The following ZNF860 variants were observed in gnomAD, a reference collection of about 807,000 sequenced individuals.
The protein encoded by ZNF860 is zinc finger protein 860.
For missense variants in ZNF860, 641 were observed against 759.2 expected (o/e 0.84, Z 1.83); for synonymous variants, 206 against 248.9 (o/e 0.83, Z 1.62).
At chr3:31,985,622 G>A (rs1404735747) in intron 1 of ZNF860, among the ~76,000 whole-genome samples, 2 of 152,266 alleles carry the variant, frequency 1.3e-5, no homozygotes, top group East Asian at 3.9e-4. Flanking sequence ...GTAAGTGAGT[G>A]GACATTGACT....
chr3:31,999,824 C>T, the ZNF860 span, among the ~76,000 whole-genome samples: 8 of 152,156 alleles, frequency 5.3e-5, no homozygotes, highest in South Asian at 2.1e-4. Context: ...TGTACTGAAA[C>T]TCTCTAAACT....
rs1168243779 is a variant in ZNF860, at chr3:31,990,892, TC to T, written c.1814del (p.Ser605TyrfsTer68). 1 of 1,575,162 alleles carries T rather than the reference TC, an allele frequency of 6.3e-7. No individual in the cohort carries two copies. Among genetic ancestry groups the T allele is most frequent in the Non-Finnish European group, 8.6e-7 (1 of 1,159,164 alleles). ...KCDDCGKAFT[S>X]HSHRIRHQRI... ...TGATGATTGTGGCAAAGCCTTTACT[TC>T]ACATTCACATCGCATTAGACATCAG... On this transcript the variant is annotated frameshift_variant, in exon 2 of 2. Transcript: ENST00000360311. LOFTEE classifies it low-confidence loss of function (END_TRUNC).
chr3:32,005,582 T>A, the ZNF860 span, among the ~76,000 whole-genome samples: 2 of 151,830 alleles, frequency 1.3e-5, no homozygotes, highest in Non-Finnish European at 1.5e-5. Flanking sequence ...ATGTTTTGGG[T>A]TTTTTTTGTT....
rs546551303 is a variant in ZNF860 at position 31,983,342 on chromosome 3, G to A, written c.-421+1440G>A. 2.5e-4 allele frequency among the ~76,000 whole-genome samples: 38 copies of A among 152,298 alleles called. No individual in the cohort carries two copies. In the South Asian group the frequency reaches 7.7e-3, roughly 31 times the overall value. On this transcript the variant is annotated intron_variant, in intron 1 of 1. Coordinates refer to ENST00000360311, the MANE Select transcript of ZNF860 (RefSeq NM_001137674.3). The stretch of plus-strand genomic sequence containing the variant: ...TTAAGCTCCTGCTAAAAGAGGAGAA[G>A]TGTCATTTTATTTCATATTACCTAA...
At position 31,989,388 on chromosome 3, in the gene ZNF860, GA is replaced by G; in HGVS notation, c.313del (p.Ile105LeufsTer24). ...SHHIGDFCFQKIGKDIHDFEF... is the reference protein window; with the variant it reads ...SHHIGDFCFQXIGKDIHDFEF... ...ATCACATTGGAGATTTTTGCTTCCA[GA>G]AAATTGGGAAAGATATTCATGACTT... On this transcript the variant is annotated frameshift_variant, in exon 2 of 2. Transcript: ENST00000360311. LOFTEE classifies it low-confidence loss of function (END_TRUNC). The G allele has an allele frequency of 1.9e-6, 3 of 1,614,166 alleles. No individual in the cohort carries two copies. Among genetic ancestry groups the G allele is most frequent in the Non-Finnish European group, 1.7e-6 (2 of 1,180,022 alleles).
the ZNF860 span, among the ~76,000 whole-genome samples, chr3:32,004,166 T>C: frequency 1.6e-4 from 24 of 152,338 alleles, no homozygotes; most frequent in East Asian, 2.5e-3. Context: ...AGTGTCCATG[T>C]TGGCACCCTT....
chr3:32,002,752 G>A, the ZNF860 span, among the ~76,000 whole-genome samples: 4 of 152,172 alleles, frequency 2.6e-5, no homozygotes, highest in Non-Finnish European at 5.9e-5. Flanking sequence ...TCCAAGAAGG[G>A]GGTTGTTGTG....
In ZNF860 at chr3:31,989,587, C is replaced by T; in HGVS notation, c.508C>T (p.Gln170Ter). The T allele has an allele frequency of 6.2e-7, 1 of 1,614,208 alleles. No homozygotes were observed. Among genetic ancestry groups the T allele is most frequent in the South Asian group, 1.1e-5 (1 of 91,086 alleles). The change falls in exon 2 of 2, where the codon CAG becomes TAG. Residue 170 changes from glutamine (Q) to a stop codon, truncating the protein, a stop_gained. Coordinates refer to ENST00000360311, the MANE Select transcript of ZNF860 (RefSeq NM_001137674.3). LOFTEE classifies it low-confidence loss of function (END_TRUNC). ...HSHLPELHIF[Q>*]TKGKVGNQVE... is the part of the protein sequence containing the mutation. The stretch of plus-strand genomic sequence containing the variant: ...GCATCTTCCTGAACTCCACATATTT[C>T]AGACCAAAGGGAAAGTTGGTAATCA...
At chr3:32,002,601 G>A in the ZNF860 span, among the ~76,000 whole-genome samples, 1 of 141,858 alleles carries the variant, frequency 7.0e-6, no homozygotes, top group Non-Finnish European at 1.6e-5. Flanking sequence ...TTGAATCAAG[G>A]CTTCTTCTCT....
In ZNF860 at chr3:31,990,012, G is replaced by T. The variant is rs1479451164; in HGVS notation, c.933G>T (p.Glu311Asp). The change falls in exon 2 of 2, where the codon GAG (glutamate) becomes GAT (aspartate). Residue 311 changes from glutamate to aspartate, a missense_variant. Transcript: ENST00000360311. ...LASHHRLHTG[E>D]KPYKCEECDK... ...GTCATCATAGACTTCATACTGGAGA[G>T]AAACCTTACAAATGTGAAGAATGTG... 6.2e-7 allele frequency: 1 copy of T among 1,614,060 alleles called. No individual in the cohort carries two copies. The highest frequency in any genetic ancestry group is 1.3e-5 in the African/African-American group (1 of 74,938).
At chr3:31,994,503 TG>T (rs1333984000), downstream of ZNF860, among the ~76,000 whole-genome samples, 49 of 151,600 alleles carry the variant, frequency 3.2e-4, no homozygotes, top group East Asian at 1.2e-3. Context: ...GATGGATGGA[TG>T]GATGGATGGA....
the ZNF860 span, among the ~76,000 whole-genome samples, chr3:32,002,611 T>C: frequency 1.6e-3 from 220 of 138,350 alleles, 1 homozygote; most frequent in Non-Finnish European, 2.5e-3. Flanking sequence ...GCTTCTTCTC[T>C]CTTGGTGACT....
chr3:31,992,303 T>C (rs542980633), downstream of ZNF860, among the ~76,000 whole-genome samples: 3 of 152,342 alleles, frequency 2.0e-5, no homozygotes, highest in African/African-American at 7.2e-5. Context: ...GCTTTTTGTA[T>C]TGGTTTCCTA....
chr3:31,983,024 G>A (rs1197983064), intron 1 of ZNF860, among the ~76,000 whole-genome samples: 1 of 152,192 alleles, frequency 6.6e-6, no homozygotes, highest in African/African-American at 2.4e-5. Context: ...CCCGGATAAG[G>A]ACTCTCCTTA....
At chr3:31,997,027 T>C in the ZNF860 span, among the ~76,000 whole-genome samples, 5 of 152,284 alleles carry the variant, frequency 3.3e-5, no homozygotes, top group East Asian at 9.7e-4. Flanking sequence ...CCTTTATTTA[T>C]AGTTACCACA....
Position 31,990,856 on chromosome 3 carries a change from C to G in ZNF860, c.1777C>G (p.His593Asp), listed in dbSNP as rs1699019605. ...KQRRIHMGEK[H>D]HKCDDCGKAF... ...AAGGAGAATTCATATGGGAGAGAAA[C>G]ATCACAAGTGTGATGATTGTGGCAA... The change falls in exon 2 of 2, where the codon CAT becomes GAT. Residue 593 changes from histidine to aspartate, a missense_variant. Physicochemically the swap from His to Asp is moderately conservative, Grantham distance 81 (BLOSUM62 -1). Coordinates refer to ENST00000360311, the MANE Select transcript of ZNF860 (RefSeq NM_001137674.3). 1.3e-6 allele frequency: 2 copies of G among 1,581,420 alleles called. No individual in the cohort carries two copies. The highest frequency in any genetic ancestry group is 2.7e-5 in the African/African-American group (2 of 73,942).
downstream of ZNF860, among the ~76,000 whole-genome samples, chr3:31,995,017 G>A (rs114785821): frequency 8.8e-3 from 1,336 of 152,272 alleles, 15 homozygotes; most frequent in African/African-American, 0.03. Context: ...AGGGGAAGGG[G>A]TATATGAATA....
At chr3:32,003,867 G>C in the ZNF860 span, among the ~76,000 whole-genome samples, 1 of 152,126 alleles carries the variant, frequency 6.6e-6, no homozygotes, top group African/African-American at 2.4e-5. Context: ...GATTTGGAGG[G>C]ACAAAGTAGA....
At position 31,989,296 on chromosome 3, in the gene ZNF860, A is replaced by G; in HGVS notation, c.217A>G (p.Lys73Glu). ...VDISSKCMMK[K>E]FSSTAQGNTE... ...TATCTCTTCCAAATGCATGATGAAG[A>G]AGTTCTCATCAACAGCGCAAGGCAA... The change falls in exon 2 of 2, where the codon AAG becomes GAG. Residue 73 changes from lysine to glutamate, a missense_variant. Physicochemically the swap from Lys to Glu is moderately conservative, Grantham distance 56. Transcript: ENST00000360311. 6.2e-7 allele frequency: 1 copy of G among 1,614,206 alleles called. No individual in the cohort carries two copies. The highest frequency in any genetic ancestry group is 8.5e-7 in the Non-Finnish European group (1 of 1,180,030).
Sources: allele counts gnomAD v4.1 joint callset (sites outside exome capture counted in the v4.1 genomes callset), GRCh38; gene constraint gnomAD v4.1.1; transcripts MANE v1.5; gene names NCBI Gene and HGNC (gene_info 2026-07-23, HGNC 2026-07-21).